Variants in FHIT observed in about 807,000 individuals in gnomAD.
The protein encoded by FHIT is fragile histidine triad diadenosine triphosphatase, also known as bis(5'-adenosyl)-triphosphatase.
FHIT carries 19 observed loss-of-function variants against 17.9 expected under a neutral mutation model. That is an observed-to-expected ratio of 1.06 (90% CI 0.74 to 1.56). FHIT has a LOEUF of 1.56. Among genes scored for constraint, FHIT ranks in the 40% most tolerant of loss-of-function variants. FHIT has a pLI of 0.00. For missense variants in FHIT, 248 were observed against 189.2 expected (o/e 1.31, Z -1.82); for synonymous variants, 81 against 69.7 (o/e 1.16, Z -0.81).
chr3:60,820,915 C>T (rs561382155), intron 4 of FHIT, among the ~76,000 whole-genome samples: 1 of 152,172 alleles, frequency 6.6e-6, no homozygotes, highest in Admixed American at 6.5e-5. Flanking sequence ...GCACAGTCCC[C>T]TGACGACATG....
At chr3:59,995,406 G>C (rs1699464951) in intron 7 of FHIT, among the ~76,000 whole-genome samples, 1 of 152,006 alleles carries the variant, frequency 6.6e-6, no homozygotes, top group Non-Finnish European at 1.5e-5. Context: ...AGTCTCTTGA[G>C]GAGGTAATTA....
intron 4 of FHIT, among the ~76,000 whole-genome samples, chr3:60,715,003 T>C (rs1319938690): frequency 4.5e-4 from 69 of 152,126 alleles, no homozygotes; most frequent in Non-Finnish European, 6.6e-4. Context: ...AAGAACAAAG[T>C]TGGAGGCATC....
At chr3:60,474,654 G>C in intron 5 of FHIT, among the ~76,000 whole-genome samples, 1 of 149,510 alleles carries the variant, frequency 6.7e-6, no homozygotes, top group East Asian at 2.0e-4. Context: ...ATGGAGTTTC[G>C]CTCTTATCAC....
intron 8 of FHIT, among the ~76,000 whole-genome samples, chr3:59,840,593 C>T (rs1288223260): frequency 6.6e-6 from 1 of 152,110 alleles, no homozygotes; most frequent in East Asian, 1.9e-4. Flanking sequence ...ATGGACAATG[C>T]TGTATGTTTA....
At chr3:60,359,388 C>T (rs1296846230) in intron 5 of FHIT, among the ~76,000 whole-genome samples, 2 of 143,172 alleles carry the variant, frequency 1.4e-5, no homozygotes, top group African/African-American at 5.2e-5. Context: ...TCAAGCGATT[C>T]TCCTGCCTCA....
At chr3:60,599,280 A>C (rs2038366676) in intron 4 of FHIT, among the ~76,000 whole-genome samples, 1 of 152,184 alleles carries the variant, frequency 6.6e-6, no homozygotes, top group African/African-American at 2.4e-5. Context: ...CCTGCTGTTG[A>C]AACTGCAGTC....
intron 5 of FHIT, among the ~76,000 whole-genome samples, chr3:60,122,156 C>A (rs933285321): frequency 6.6e-6 from 1 of 151,746 alleles, no homozygotes; most frequent in Non-Finnish European, 1.5e-5. Context: ...TAGAAAGCAA[C>A]ACACAACTGT....
Position 60,105,508 on chromosome 3 carries a change from C to A in FHIT, c.104-91356G>T, listed in dbSNP as rs566549820. ...CATTTAAAATGTAAGAGGACAAGAC[C>A]TCATTCAACCTTTTATGCCTACTTT... On this transcript the variant is annotated intron_variant, in intron 5 of 9. Coordinates refer to ENST00000492590, the MANE Select transcript of FHIT (RefSeq NM_002012.4). 1.3e-5 allele frequency among the ~76,000 whole-genome samples: 2 copies of A among 152,070 alleles called. 1 individual carries two copies. The highest frequency in any genetic ancestry group is 4.2e-4 in the South Asian group (2 of 4,818).
intron 4 of FHIT, among the ~76,000 whole-genome samples, chr3:60,713,800 C>A (rs1281579121): frequency 2.0e-5 from 3 of 151,716 alleles, no homozygotes; most frequent in Non-Finnish European, 1.5e-5. Context: ...AATAGCTTAC[C>A]AACCAAAAAG....
chr3:60,298,524 C>T (rs757783566), intron 5 of FHIT, among the ~76,000 whole-genome samples: 3 of 152,124 alleles, frequency 2.0e-5, no homozygotes, highest in Admixed American at 1.3e-4. Flanking sequence ...TGAATAGTAG[C>T]GGTGAGAGTC....
At chr3:60,454,196 T>C (rs1257278496) in intron 5 of FHIT, among the ~76,000 whole-genome samples, 2 of 152,048 alleles carry the variant, frequency 1.3e-5, no homozygotes, top group African/African-American at 4.8e-5. Flanking sequence ...AAAGCAACCA[T>C]AAAGCAACTT....
chr3:60,454,012 A>C (rs1472660857), intron 5 of FHIT, among the ~76,000 whole-genome samples: 4 of 152,152 alleles, frequency 2.6e-5, no homozygotes, highest in Non-Finnish European at 4.4e-5. Flanking sequence ...TGCCATGTTC[A>C]TTTAAATGAC....
intron 5 of FHIT, among the ~76,000 whole-genome samples, chr3:60,476,793 G>A (rs927609832): frequency 1.3e-5 from 2 of 152,028 alleles, no homozygotes; most frequent in African/African-American, 4.8e-5. Flanking sequence ...TTCTGGCCTT[G>A]TCGGAGGTAC....
chr3:61,201,540 T>C (rs2039013258), intron 1 of FHIT, among the ~76,000 whole-genome samples: 1 of 152,160 alleles, frequency 6.6e-6, no homozygotes, highest in Admixed American at 6.6e-5. Flanking sequence ...ATGGTTCTTT[T>C]TTTTTCCTTC....
intron 4 of FHIT, among the ~76,000 whole-genome samples, chr3:60,557,675 C>G (rs1200650687): frequency 6.6e-6 from 1 of 151,874 alleles, no homozygotes; most frequent in African/African-American, 2.4e-5. Context: ...CTACTTCAAG[C>G]ATATGCCAGT....
At chr3:61,180,045 G>C (rs903133763) in intron 2 of FHIT, among the ~76,000 whole-genome samples, 2 of 152,168 alleles carry the variant, frequency 1.3e-5, no homozygotes, top group Non-Finnish European at 2.9e-5. Flanking sequence ...GATACACTGA[G>C]AAAGAGGGTG....
intron 7 of FHIT, among the ~76,000 whole-genome samples, chr3:60,005,500 G>A (rs778581109): frequency 2.0e-5 from 3 of 152,026 alleles, no homozygotes; most frequent in African/African-American, 4.8e-5. Context: ...AGAGGAAAAG[G>A]GCTTGGAACC....
chr3:60,564,826 G>A (rs1470588327), intron 4 of FHIT, among the ~76,000 whole-genome samples: 7 of 152,130 alleles, frequency 4.6e-5, no homozygotes, highest in Admixed American at 1.3e-4. Context: ...TGACAACAAA[G>A]AATTTGGACC....
chr3:59,969,161 C>G (rs1287647457), intron 7 of FHIT, among the ~76,000 whole-genome samples: 1 of 152,146 alleles, frequency 6.6e-6, no homozygotes, highest in Non-Finnish European at 1.5e-5. Flanking sequence ...TAGAAGTCCT[C>G]TGCATCTAAA....
Sources: gnomAD v4.1 joint callset for allele counts (sites outside exome capture counted in the v4.1 genomes callset) on GRCh38, gnomAD v4.1.1 for gene constraint, MANE v1.5 for transcripts, NCBI Gene and HGNC (gene_info 2026-07-23, HGNC 2026-07-21) for gene names.